TMPRSS11D: variants seen among roughly 807,000 people sequenced by gnomAD.
TMPRSS11D encodes the protein transmembrane serine protease 11D, also known as transmembrane protease serine 11D.
In TMPRSS11D, 32 loss-of-function variants were observed where a neutral mutation model predicts 44.4. That is an observed-to-expected ratio of 0.72 (90% CI 0.54 to 0.97). The LOEUF (loss-of-function observed/expected upper bound fraction) is 0.97, where lower values mean the gene tolerates loss of function less well. Ranked by LOEUF, TMPRSS11D falls within the 50% of genes least tolerant of loss-of-function variation. TMPRSS11D has a pLI of 0.00. For synonymous variants in TMPRSS11D, 179 were observed against 177.9 expected (o/e 1.01, Z -0.05); for missense variants, 446 against 502.6 (o/e 0.89, Z 1.08).
chr4:67,880,568 T>G (rs779106920), intron 1 of TMPRSS11D, among the ~76,000 whole-genome samples: 1 of 152,186 alleles, frequency 6.6e-6, no homozygotes, highest in African/African-American at 2.4e-5. Context: ...AGAAGTAAAC[T>G]TGTCAGAATA....
At chr4:67,855,508 T>A (rs1327989052) in intron 2 of TMPRSS11D, among the ~76,000 whole-genome samples, 1 of 152,066 alleles carries the variant, frequency 6.6e-6, no homozygotes, top group Non-Finnish European at 1.5e-5. Context: ...TATCCCATCA[T>A]AACAAGAACT....
chr4:67,823,392 G>A (rs1039641965), intron 9 of TMPRSS11D, among the ~76,000 whole-genome samples: 1 of 152,108 alleles, frequency 6.6e-6, no homozygotes, highest in African/African-American at 2.4e-5. Context: ...TGTTCTGCAC[G>A]ATGGATTAAG....
chr4:67,862,988 T>C lies in TMPRSS11D; in HGVS notation c.9-3310A>G, dbSNP rs548032219. On this transcript the variant is annotated intron_variant, in intron 1 of 9. Coordinates refer to ENST00000283916, the MANE Select transcript of TMPRSS11D (RefSeq NM_004262.3). ...AGTTAATGGGTGCAGCACAACAACA[T>C]GGCACATGCATACATATGTAACAAA... Among the ~76,000 whole-genome samples, 9 of 151,654 alleles carry C rather than the reference T, an allele frequency of 5.9e-5. No homozygotes were observed. The East Asian group carries it at 1.6e-3, about 26-fold the overall frequency.
intron 4 of TMPRSS11D, among the ~76,000 whole-genome samples, chr4:67,840,236 C>T (rs1453728746): frequency 1.3e-5 from 2 of 151,884 alleles, no homozygotes. Flanking sequence ...TGCATGGCTG[C>T]GGAGGCCTCA....
chr4:67,871,308 G>A (rs1719058621), intron 1 of TMPRSS11D, among the ~76,000 whole-genome samples: 1 of 152,080 alleles, frequency 6.6e-6, no homozygotes, highest in Non-Finnish European at 1.5e-5. Flanking sequence ...AATTTGCAAG[G>A]CAAGAATTTT....
At chr4:67,883,329 T>G (rs1371935) in intron 1 of TMPRSS11D, among the ~76,000 whole-genome samples, 107,036 of 151,816 alleles carry the variant, frequency 0.71, 38,059 homozygotes, top group East Asian at 0.84. Flanking sequence ...ACAACTTTTT[T>G]CTTTCTTTAT....
intron 3 of TMPRSS11D, among the ~76,000 whole-genome samples, chr4:67,853,129 G>C (rs1256934582): frequency 6.6e-6 from 1 of 152,162 alleles, no homozygotes; most frequent in East Asian, 1.9e-4. Flanking sequence ...TAGCTAACAA[G>C]TTTGAATTTT....
intron 3 of TMPRSS11D, among the ~76,000 whole-genome samples, chr4:67,848,369 C>T (rs186514886): frequency 2.2e-3 from 331 of 152,300 alleles, no homozygotes; most frequent in African/African-American, 7.6e-3. Context: ...TGGCCTCATT[C>T]ATTTACTTAT....
intron 4 of TMPRSS11D, among the ~76,000 whole-genome samples, chr4:67,840,130 G>A (rs1409235856): frequency 6.6e-6 from 1 of 151,982 alleles, no homozygotes; most frequent in Non-Finnish European, 1.5e-5. Context: ...TACAATTTCA[G>A]TGGTAAACAA....
chr4:67,883,348 A>G (rs970960794), intron 1 of TMPRSS11D, among the ~76,000 whole-genome samples: 8 of 152,084 alleles, frequency 5.3e-5, no homozygotes, highest in African/African-American at 1.9e-4. Flanking sequence ...ATGTGAAAGT[A>G]TAGGAAAATA....
At position 67,854,162 on chromosome 4, in the gene TMPRSS11D, C is replaced by T; in HGVS notation, c.155G>A (p.Ser52Asn). 6.4e-7 allele frequency: 1 copy of T among 1,574,444 alleles called. No homozygotes were observed. Among genetic ancestry groups the T allele is most frequent in the Non-Finnish European group, 8.6e-7 (1 of 1,158,926 alleles). The change falls in exon 3 of 10, where the codon AGC becomes AAC. Residue 52 changes from serine to asparagine, a missense_variant. Coordinates refer to ENST00000283916, the MANE Select transcript of TMPRSS11D (RefSeq NM_004262.3). The part of the protein sequence containing the change: ...AFDQKSYFYR[S>N]SFQLLNVEYN... ...TTCAACATTTAGGAGTTGAAAACTG[C>T]TCCTATAAAAGTAAGATTTTTGATC...
At chr4:67,869,750 G>T (rs1307678799) in intron 1 of TMPRSS11D, among the ~76,000 whole-genome samples, 1 of 152,140 alleles carries the variant, frequency 6.6e-6, no homozygotes, top group Non-Finnish European at 1.5e-5. Context: ...TGGGTGTGTG[G>T]TTATTTAATA....
chr4:67,850,034 G>A (rs991570917), intron 3 of TMPRSS11D, among the ~76,000 whole-genome samples: 1 of 152,014 alleles, frequency 6.6e-6, no homozygotes, highest in African/African-American at 2.4e-5. Flanking sequence ...GATTAACTAG[G>A]GAACTCATAC....
At chr4:67,851,340 T>C (rs989178716) in intron 3 of TMPRSS11D, among the ~76,000 whole-genome samples, 5 of 152,224 alleles carry the variant, frequency 3.3e-5, no homozygotes, top group Non-Finnish European at 7.3e-5. Context: ...TCCAGATCTC[T>C]AGGCATAATA....
At chr4:67,840,322 A>AG (rs1318013511) in intron 4 of TMPRSS11D, among the ~76,000 whole-genome samples, 1 of 152,044 alleles carries the variant, frequency 6.6e-6, no homozygotes, top group East Asian at 1.9e-4. Flanking sequence ...AACAGAGCAA[A>AG]GGGGGGAAAC....
chr4:67,869,248 T>G (rs757409653), intron 1 of TMPRSS11D, among the ~76,000 whole-genome samples: 29 of 152,170 alleles, frequency 1.9e-4, no homozygotes, highest in Non-Finnish European at 3.7e-4. Context: ...TGAAAAAGAG[T>G]ATTGGAAACC....
At chr4:67,845,480 C>T (rs780242030) in intron 3 of TMPRSS11D, among the ~76,000 whole-genome samples, 5 of 152,072 alleles carry the variant, frequency 3.3e-5, no homozygotes, top group African/African-American at 7.2e-5. Flanking sequence ...AAGTAGTTAA[C>T]GTGTATTAAA....
At chr4:67,852,272 G>A (rs556188412) in intron 3 of TMPRSS11D, among the ~76,000 whole-genome samples, 4 of 152,212 alleles carry the variant, frequency 2.6e-5, no homozygotes, top group South Asian at 2.1e-4. Flanking sequence ...CCGTCCTGCC[G>A]GTTTCCATAG....
intron 1 of TMPRSS11D, among the ~76,000 whole-genome samples, chr4:67,868,197 C>G (rs948736417): frequency 6.6e-6 from 1 of 151,900 alleles, no homozygotes; most frequent in South Asian, 2.1e-4. Flanking sequence ...GGTGAAACAA[C>G]TCAGAAACAA....
Sources: gnomAD v4.1 joint callset for allele counts (sites outside exome capture counted in the v4.1 genomes callset) on GRCh38, gnomAD v4.1.1 for gene constraint, MANE v1.5 for transcripts, NCBI Gene and HGNC (gene_info 2026-07-23, HGNC 2026-07-21) for gene names.